Variants in FGF12 observed in about 807,000 individuals in gnomAD.
FGF12 encodes fibroblast growth factor 12, also known as fibroblast growth factor 12B.
In FGF12, 14 loss-of-function variants were observed where a neutral mutation model predicts 23.6. That is an observed-to-expected ratio of 0.59 (90% CI 0.39 to 0.93). The LOEUF (loss-of-function observed/expected upper bound fraction) is 0.93. FGF12 is among the 40% of genes least tolerant of loss of function. The pLI is 0.00. For synonymous variants in FGF12, 62 were observed against 77.3 expected, an observed-to-expected ratio of 0.80 and a Z score of 1.04; for missense variants, 175 against 217.8, an observed-to-expected ratio of 0.80 and a Z score of 1.24.
intron 4 of FGF12, among the ~76,000 whole-genome samples, chr3:192,325,093 A>G (rs1716748323): frequency 6.6e-6 from 1 of 152,212 alleles, no homozygotes; most frequent in Non-Finnish European, 1.5e-5. Context: ...CTGAAAAAAG[A>G]CAACCTAATC....
chr3:192,634,833 G>T (rs1715520591), intron 2 of FGF12, among the ~76,000 whole-genome samples: 1 of 151,964 alleles, frequency 6.6e-6, no homozygotes, highest in African/African-American at 2.4e-5. Flanking sequence ...ACTGATTTTA[G>T]GTATAAGTTC....
chr3:192,155,235 C>T (rs1714331587), intron 5 of FGF12, among the ~76,000 whole-genome samples: 1 of 152,158 alleles, frequency 6.6e-6, no homozygotes, highest in South Asian at 2.1e-4. Flanking sequence ...GTGAGATGAA[C>T]CCGGTACCTC....
At chr3:192,638,111 T>C (rs1577092089) in intron 2 of FGF12, among the ~76,000 whole-genome samples, 2 of 152,202 alleles carry the variant, frequency 1.3e-5, no homozygotes, top group Admixed American at 1.3e-4. Flanking sequence ...TGTTTGTGTG[T>C]GTCTATATAT....
At chr3:192,637,335 A>G (rs1715621636) in intron 2 of FGF12, among the ~76,000 whole-genome samples, 1 of 152,176 alleles carries the variant, frequency 6.6e-6, no homozygotes, top group Admixed American at 6.5e-5. Flanking sequence ...AGCTTAAATT[A>G]TGACCATAAG....
Position 192,680,403 on chromosome 3 carries a change from G to A in FGF12, c.13+46778C>T, listed in dbSNP as rs191297055. 5.3e-5 allele frequency among the ~76,000 whole-genome samples: 8 copies of A among 152,300 alleles called. No homozygotes were observed. The East Asian group carries it at 9.6e-4, about 18-fold the overall frequency. Reference sequence around the variant, plus strand: ...GAGCTGGAAGAGCTATAAACCCAACGGACTCCAGCAGGAAAGCAGGTGGTG... The same window carrying A: ...GAGCTGGAAGAGCTATAAACCCAACAGACTCCAGCAGGAAAGCAGGTGGTG... On this transcript the variant is annotated intron_variant, in intron 2 of 5. Transcript: ENST00000445105.
chr3:192,220,728 G>A (rs749007790), intron 4 of FGF12, among the ~76,000 whole-genome samples: 1 of 152,140 alleles, frequency 6.6e-6, no homozygotes, highest in African/African-American at 2.4e-5. Flanking sequence ...AGCTCTATAT[G>A]ACTGGTAAAT....
intron 2 of FGF12, among the ~76,000 whole-genome samples, chr3:192,693,240 G>A (rs1421160315): frequency 6.6e-6 from 1 of 151,938 alleles, no homozygotes; most frequent in South Asian, 2.1e-4. Flanking sequence ...AGAGGTGAAA[G>A]ATCTGTATAC....
chr3:192,727,161 C>T lies in FGF12; in HGVS notation c.13+20G>A. Reference sequence around the variant, plus strand: ...CACGCACATGCAGCGGGAAGTCCCCCGATAGGGACAACCACATACCTTTGC... The same window carrying T: ...CACGCACATGCAGCGGGAAGTCCCCTGATAGGGACAACCACATACCTTTGC... On this transcript the variant is annotated intron_variant, in intron 2 of 5. Coordinates refer to ENST00000445105, the MANE Select transcript of FGF12 (RefSeq NM_004113.6). 6.4e-7 allele frequency: 1 copy of T among 1,574,144 alleles called. No individual in the cohort carries two copies. Among genetic ancestry groups the T allele is most frequent in the Non-Finnish European group, 8.6e-7 (1 of 1,159,662 alleles).
intron 4 of FGF12, among the ~76,000 whole-genome samples, chr3:192,274,754 G>A (rs1298080792): frequency 6.6e-6 from 1 of 152,154 alleles, no homozygotes; most frequent in African/African-American, 2.4e-5. Flanking sequence ...GACATAACAA[G>A]GACACAGTGT....
chr3:192,554,857 G>T (rs1560148820), intron 2 of FGF12, among the ~76,000 whole-genome samples: 1 of 151,662 alleles, frequency 6.6e-6, no homozygotes, highest in Non-Finnish European at 1.5e-5. Flanking sequence ...TAAACACCCA[G>T]AAAGTTTGGA....
intron 2 of FGF12, among the ~76,000 whole-genome samples, chr3:192,376,938 C>T (rs1719542088): frequency 6.6e-6 from 1 of 152,150 alleles, no homozygotes. Context: ...CTGTGAAACA[C>T]ATGGAAAGCT....
intron 2 of FGF12, among the ~76,000 whole-genome samples, chr3:192,692,710 TAAAAA>T (rs200005337): frequency 8.1e-6 from 1 of 123,200 alleles, no homozygotes. Flanking sequence ...AGACCCTGTC[TAAAAA>T]AAAAAAAAAA....
chr3:192,256,278 C>T (rs1712378668), intron 4 of FGF12, among the ~76,000 whole-genome samples: 1 of 151,836 alleles, frequency 6.6e-6, no homozygotes, highest in Admixed American at 6.6e-5. Context: ...ACCAAGTATA[C>T]ATTGTTCCTT....
At chr3:192,490,854 G>T (rs938811498) in intron 2 of FGF12, among the ~76,000 whole-genome samples, 1 of 152,066 alleles carries the variant, frequency 6.6e-6, no homozygotes, top group African/African-American at 2.4e-5. Flanking sequence ...TGGTGTCATC[G>T]CAAGATAATT....
At chr3:192,612,042 T>C (rs992296142) in intron 2 of FGF12, among the ~76,000 whole-genome samples, 2 of 151,992 alleles carry the variant, frequency 1.3e-5, no homozygotes, top group African/African-American at 4.8e-5. Flanking sequence ...TCTGGGATTA[T>C]AATACTACTT....
At chr3:192,452,060 A>T (rs962857797) in intron 2 of FGF12, among the ~76,000 whole-genome samples, 1 of 152,154 alleles carries the variant, frequency 6.6e-6, no homozygotes, top group Admixed American at 6.5e-5. Flanking sequence ...ATGAAAATGG[A>T]TATCTTTGCC....
At chr3:192,540,918 G>C (rs1725348550) in intron 2 of FGF12, among the ~76,000 whole-genome samples, 1 of 151,788 alleles carries the variant, frequency 6.6e-6, no homozygotes, top group African/African-American at 2.4e-5. Flanking sequence ...TATAGTTTTT[G>C]TCTTGAAATC....
At chr3:192,692,248 C>A (rs115507322) in intron 2 of FGF12, among the ~76,000 whole-genome samples, 6,190 of 152,102 alleles carry the variant, frequency 0.041, 445 homozygotes, top group African/African-American at 0.14. Context: ...TGATGAACAT[C>A]GATGCAAAAA....
intron 4 of FGF12, chr3:192,265,116 G>A (rs1023142714): frequency 6.6e-6 from 1 of 152,124 alleles, no homozygotes. Context: ...GCTGTGTAAA[G>A]ATTGACAAAC....
Sources: gnomAD v4.1 joint callset for allele counts (sites outside exome capture counted in the v4.1 genomes callset) on GRCh38, gnomAD v4.1.1 for gene constraint, MANE v1.5 for transcripts, NCBI Gene and HGNC (gene_info 2026-07-23, HGNC 2026-07-21) for gene names.